The following CCPG1 variants were observed in gnomAD, a reference collection of about 807,000 sequenced individuals.
CCPG1 encodes cell cycle progression protein 1.
Under a neutral mutation model 81.3 loss-of-function variants are expected in CCPG1, and 46 were observed. That is an observed-to-expected ratio of 0.57 (90% confidence interval 0.45 to 0.72). The LOEUF is 0.72. Among genes scored for constraint, CCPG1 ranks in the 30% least tolerant of loss-of-function variants. The pLI is 0.00. For missense variants in CCPG1, 902 were observed against 937.6 expected (o/e 0.96, Z 0.50); for synonymous variants, 330 against 305.2 (o/e 1.08, Z -0.85).
At chr15:55,389,859 A>G (rs908181006) in intron 1 of CCPG1, among the ~76,000 whole-genome samples, 1 of 152,254 alleles carries the variant, frequency 6.6e-6, no homozygotes, top group African/African-American at 2.4e-5. Context: ...AAAAGCTCCT[A>G]TGCCAAGAAA....
intron 1 of CCPG1, among the ~76,000 whole-genome samples, chr15:55,405,795 A>T (rs1305471023): frequency 6.6e-6 from 1 of 152,222 alleles, no homozygotes; most frequent in Non-Finnish European, 1.5e-5. Context: ...TACTCTCCAA[A>T]TAATTTACAC....
chr15:55,405,607 G>C (rs1381421526), intron 1 of CCPG1, among the ~76,000 whole-genome samples: 1 of 152,108 alleles, frequency 6.6e-6, no homozygotes, highest in African/African-American at 2.4e-5. Context: ...CTATGTGGGA[G>C]GCTGTGTTGG....
At chr15:55,390,787 T>C (rs1367833633) in intron 1 of CCPG1, among the ~76,000 whole-genome samples, 1 of 152,216 alleles carries the variant, frequency 6.6e-6, no homozygotes, top group African/African-American at 2.4e-5. Context: ...TGGTCGCTAA[T>C]AGTATAAAAA....
rs1483432057 is a variant in CCPG1, at chr15:55,407,039, C to G, written c.-10+1182G>C. On this transcript the variant is annotated intron_variant, in intron 1 of 8. Transcript: ENST00000442196. ...ACCAGCCTGGCCGACACGTTGAGAC[C>G]CCCCCCCCCGCCCCGCCGTCTCTAC... Among the ~76,000 whole-genome samples, 4 of 131,458 alleles carry G rather than the reference C, an allele frequency of 3.0e-5. No homozygotes were observed. The East Asian group carries it at 6.3e-4, about 21-fold the overall frequency. The allele number at this position is 131,458 out of a possible 152,430, so 86.2% of individuals were successfully genotyped here.
intron 7 of CCPG1, among the ~76,000 whole-genome samples, chr15:55,363,799 C>CT (rs565044184): frequency 0.12 from 11,427 of 93,332 alleles, 1,199 homozygotes; most frequent in East Asian, 0.51. Context: ...TTTCCTTTTC[C>CT]TTTTTTTTTT....
At chr15:55,391,887 A>AAAAAAG (rs1555409781) in intron 1 of CCPG1, among the ~76,000 whole-genome samples, 1 of 44,740 alleles carries the variant, frequency 2.2e-5, no homozygotes, top group African/African-American at 7.1e-5. Flanking sequence ...AAAAAAAAAA[A>AAAAAAG]GGGGGGGGGG....
intron 1 of CCPG1, among the ~76,000 whole-genome samples, chr15:55,406,436 C>CTTTTTTTTTTTTGTT (rs2057222199): frequency 7.9e-6 from 1 of 126,274 alleles, no homozygotes; most frequent in Non-Finnish European, 1.6e-5. Flanking sequence ...TTCTTTTTCT[C>CTTTTTTTTTTTTGTT]TTTTTTTTTT....
chr15:55,367,512 AT>A (rs974392937), intron 6 of CCPG1, among the ~76,000 whole-genome samples: 2 of 152,032 alleles, frequency 1.3e-5, no homozygotes, highest in African/African-American at 4.8e-5. Flanking sequence ...GCGCTGTCAG[AT>A]TTTGCTATCA....
intron 7 of CCPG1, among the ~76,000 whole-genome samples, chr15:55,363,965 G>A (rs1019426733): frequency 1.7e-4 from 26 of 149,706 alleles, no homozygotes; most frequent in African/African-American, 5.8e-4. Flanking sequence ...CACCACACCA[G>A]GCTGATTTTT....
chr15:55,385,579 T>C (rs1202196395), intron 3 of CCPG1, 21 bp downstream of exon 3: 6 of 1,324,698 alleles, frequency 4.5e-6, no homozygotes, highest in East Asian at 2.3e-5. Context: ...AAAAAAAAAT[T>C]AGAATTTGTG....
chr15:55,356,463 T>A, intron 8 of CCPG1, 54 bp from the exon 9 acceptor site: 1 of 1,385,922 alleles, frequency 7.2e-7, no homozygotes, highest in Non-Finnish European at 9.5e-7. Context: ...GTATTTAAAT[T>A]TAAAACAATT....
rs1198961468 is a variant in CCPG1 at position 55,359,536 on chromosome 15, G to A, written c.2234+3C>T. 8.8e-6 allele frequency: 14 copies of A among 1,596,444 alleles called. No homozygotes were observed. Among genetic ancestry groups the A allele is most frequent in the South Asian group, 2.3e-5 (2 of 87,868 alleles). On this transcript the variant is annotated splice_donor_region_variant and intron_variant, in intron 8 of 8. Transcript: ENST00000442196. ...GTAATGACACGGTTTTATGTAAACC[G>A]ACCTGGGTCCATATGGAGGGGAAAA... is the stretch of plus-strand genomic sequence containing the variant.
rs79468907 is a variant in CCPG1, at chr15:55,392,029, A to G, written c.-9-2596T>C. On this transcript the variant is annotated intron_variant, in intron 1 of 8. Coordinates refer to ENST00000442196, the MANE Select transcript of CCPG1 (RefSeq NM_001204450.2). ...ACAAACAAAACGATTTCTGATTCCT[A>G]AAAAAAAAAAAAAAAAATCAAAAGA... 4.7e-3 allele frequency among the ~76,000 whole-genome samples: 413 copies of G among 87,820 alleles called. 1 individual carries two copies. Among genetic ancestry groups the G allele is most frequent in the Admixed American group, 0.012 (118 of 10,192 alleles). The allele number at this position is 87,820 out of a possible 152,430, so 57.6% of individuals were successfully genotyped here.
intron 6 of CCPG1, among the ~76,000 whole-genome samples, chr15:55,366,315 T>A (rs1442887443): frequency 6.6e-6 from 1 of 152,168 alleles, no homozygotes; most frequent in African/African-American, 2.4e-5. Flanking sequence ...AAAATTTTTT[T>A]TTTTTTTAAT....
chr15:55,406,436 C>CTTTTTTTTTTTTTTTTTTTT (rs143238270), intron 1 of CCPG1, among the ~76,000 whole-genome samples: 13 of 126,284 alleles, frequency 1.0e-4, no homozygotes, highest in Non-Finnish European at 1.5e-4. Flanking sequence ...TTCTTTTTCT[C>CTTTTTTTTTTTTTTTTTTTT]TTTTTTTTTT....
intron 8 of CCPG1, chr15:55,359,273 A>T (rs2056142667): frequency 3.5e-6 from 4 of 1,131,438 alleles, no homozygotes; most frequent in Middle Eastern, 3.7e-4. Flanking sequence ...CCAAAGTAGG[A>T]TTTTATATAT....
intron 3 of CCPG1, among the ~76,000 whole-genome samples, chr15:55,383,775 C>T (rs534307538): frequency 6.6e-6 from 1 of 152,344 alleles, no homozygotes; most frequent in Admixed American, 6.5e-5. Flanking sequence ...TTCTTAACCA[C>T]TCTTAGCCTT....
chr15:55,371,690 C>T (rs2141268346), intron 6 of CCPG1, 103 bp downstream of exon 6: 1 of 1,205,316 alleles, frequency 8.3e-7, no homozygotes, highest in Middle Eastern at 2.8e-4. Flanking sequence ...TTCAAGGCCA[C>T]ACATTTAATA....
chr15:55,395,452 C>T (rs2056998447), intron 1 of CCPG1, among the ~76,000 whole-genome samples: 1 of 152,044 alleles, frequency 6.6e-6, no homozygotes, highest in Non-Finnish European at 1.5e-5. Context: ...AAGATAATGC[C>T]CCAAAGCCTT....
Sources: gnomAD v4.1 joint callset for allele counts (sites outside exome capture counted in the v4.1 genomes callset) on GRCh38, gnomAD v4.1.1 for gene constraint, MANE v1.5 for transcripts, NCBI Gene and HGNC (gene_info 2026-07-23, HGNC 2026-07-21) for gene names.